The following EVC2 variants were observed in gnomAD, a reference collection of about 807,000 sequenced individuals.
EVC2 encodes the protein limbin.
A neutral mutation model predicts 149.3 loss-of-function variants in EVC2; 148 were observed. That is an observed-to-expected ratio of 0.99 (90% CI 0.87 to 1.14). EVC2 has a LOEUF of 1.14. Among genes scored for constraint, EVC2 ranks in the 50% most tolerant of loss-of-function variants. The pLI, the probability that EVC2 is intolerant of heterozygous loss-of-function variation, is 0.00. For synonymous variants in EVC2, 776 were observed against 649.9 expected, an observed-to-expected ratio of 1.19 and a Z score of -2.95; for missense variants, 1,854 against 1,627.3, an observed-to-expected ratio of 1.14 and a Z score of -2.40.
At chr4:5,671,098 A>T (rs1015997555) in intron 7 of EVC2, among the ~76,000 whole-genome samples, 4 of 152,248 alleles carry the variant, frequency 2.6e-5, no homozygotes, top group African/African-American at 9.6e-5. Flanking sequence ...TAATCCATTT[A>T]ATCTCCACAA....
At chr4:5,557,150 T>C (rs570506188) in intron 21 of EVC2, among the ~76,000 whole-genome samples, 1 of 152,048 alleles carries the variant, frequency 6.6e-6, no homozygotes, top group African/African-American at 2.4e-5. Context: ...ATATCTCACA[T>C]GAACATAGAT....
At chr4:5,680,560 C>T (rs1274100471) in intron 7 of EVC2, among the ~76,000 whole-genome samples, 3 of 152,158 alleles carry the variant, frequency 2.0e-5, no homozygotes, top group Admixed American at 6.5e-5. Flanking sequence ...TAGAGAATCA[C>T]CGAACCCGGG....
At chr4:5,703,747 GTATAC>G (rs1721969884) in intron 1 of EVC2, among the ~76,000 whole-genome samples, 1 of 152,090 alleles carries the variant, frequency 6.6e-6, no homozygotes, top group East Asian at 1.9e-4. Context: ...CAAAATCATA[GTATAC>G]TATATATATT....
chr4:5,621,842 T>C (rs1715710529), intron 14 of EVC2, among the ~76,000 whole-genome samples: 1 of 152,184 alleles, frequency 6.6e-6, no homozygotes, highest in Non-Finnish European at 1.5e-5. Context: ...AGACCCCGTC[T>C]CTACAAAAAA....
At chr4:5,692,134 C>A (rs1560230904) in intron 3 of EVC2, among the ~76,000 whole-genome samples, 1 of 152,212 alleles carries the variant, frequency 6.6e-6, no homozygotes, top group Non-Finnish European at 1.5e-5. Flanking sequence ...TATTCTGAGT[C>A]ACGGACTCTG....
chr4:5,598,881 A>T (rs1324513633), intron 16 of EVC2, among the ~76,000 whole-genome samples: 1 of 152,322 alleles, frequency 6.6e-6, no homozygotes, highest in Non-Finnish European at 1.5e-5. Flanking sequence ...AAGAAAAAAA[A>T]CAAACAACCC....
chr4:5,549,463 T>A (rs557281483), intron 21 of EVC2, among the ~76,000 whole-genome samples: 1 of 152,240 alleles, frequency 6.6e-6, no homozygotes, highest in Non-Finnish European at 1.5e-5. Context: ...TCTCCCATTC[T>A]GCCACACAGA....
chr4:5,626,618 G>A (rs967342116), intron 12 of EVC2, among the ~76,000 whole-genome samples: 1 of 152,144 alleles, frequency 6.6e-6, no homozygotes, highest in African/African-American at 2.4e-5. Flanking sequence ...ACAGGCGTGA[G>A]CTACTGCGCC....
chr4:5,678,406 T>G (rs1005808250), intron 7 of EVC2, among the ~76,000 whole-genome samples: 2 of 152,200 alleles, frequency 1.3e-5, no homozygotes, highest in African/African-American at 4.8e-5. Flanking sequence ...CTCTTAAAAC[T>G]TGCAAGTGAT....
At chr4:5,655,136 A>G (rs1235842976) in intron 9 of EVC2, among the ~76,000 whole-genome samples, 3 of 152,176 alleles carry the variant, frequency 2.0e-5, no homozygotes, top group Non-Finnish European at 4.4e-5. Flanking sequence ...CCCAGCAGGC[A>G]TTCCCTCTGC....
intron 9 of EVC2, among the ~76,000 whole-genome samples, chr4:5,659,828 C>G (rs987492331): frequency 6.6e-6 from 1 of 152,160 alleles, no homozygotes; most frequent in Non-Finnish European, 1.5e-5. Context: ...TAATACTTTC[C>G]TCTTTTAAAG....
chr4:5,665,125 C>T (rs542255301), intron 8 of EVC2, among the ~76,000 whole-genome samples: 2 of 152,120 alleles, frequency 1.3e-5, no homozygotes, highest in South Asian at 4.1e-4. Flanking sequence ...CAGTGGTTCT[C>T]CCACCTGGTT....
intron 16 of EVC2, among the ~76,000 whole-genome samples, chr4:5,589,760 A>G (rs1712619630): frequency 6.6e-6 from 1 of 152,140 alleles, no homozygotes; most frequent in African/African-American, 2.4e-5. Context: ...GGTAAGGAGT[A>G]ATTCTGATAC....
chr4:5,684,065 T>C (rs1287784045), intron 6 of EVC2, among the ~76,000 whole-genome samples: 1 of 152,192 alleles, frequency 6.6e-6, no homozygotes, highest in Non-Finnish European at 1.5e-5. Context: ...CTTTTCCTTA[T>C]CATTACTTTA....
In EVC2 at chr4:5,637,573, T is replaced by C. The variant is rs952704119; in HGVS notation, c.1470+2941A>G. On this transcript the variant is annotated intron_variant, in intron 10 of 21. Coordinates refer to ENST00000344408, the MANE Select transcript of EVC2 (RefSeq NM_147127.5). The surrounding 1 kb of genome is among the most constrained non-coding windows in gnomAD (Gnocchi z 4.4). The stretch of plus-strand genomic sequence containing the variant: ...ATTTAATAAAATCAGCAAATGTGTA[T>C]ACTGTGATGTAAAGTGAAAATAAGA... 1.3e-5 allele frequency among the ~76,000 whole-genome samples: 2 copies of C among 152,232 alleles called. No individual in the cohort carries two copies. Among genetic ancestry groups the C allele is most frequent in the Non-Finnish European group, 2.9e-5 (2 of 68,046 alleles).
intron 17 of EVC2, among the ~76,000 whole-genome samples, chr4:5,579,101 G>C (rs965250633): frequency 6.6e-6 from 1 of 152,098 alleles, no homozygotes; most frequent in Non-Finnish European, 1.5e-5. Context: ...TGTAGAGCTG[G>C]GGATGGGGCT....
intron 17 of EVC2, among the ~76,000 whole-genome samples, chr4:5,577,423 C>T (rs1722999119): frequency 6.6e-6 from 1 of 152,156 alleles, no homozygotes; most frequent in Non-Finnish European, 1.5e-5. Flanking sequence ...ACATTTAACC[C>T]AGTATTTACC....
At chr4:5,596,093 G>A (rs550804835) in intron 16 of EVC2, among the ~76,000 whole-genome samples, 1 of 152,262 alleles carries the variant, frequency 6.6e-6, no homozygotes, top group Admixed American at 6.5e-5. Context: ...CCTACAAAGA[G>A]ACTTAGACTC....
At chr4:5,678,418 T>C (rs1560217870) in intron 7 of EVC2, among the ~76,000 whole-genome samples, 1 of 152,232 alleles carries the variant, frequency 6.6e-6, no homozygotes. Context: ...GCAAGTGATT[T>C]TCTCCAAACT....
Sources: gnomAD v4.1 joint callset for allele counts (sites outside exome capture counted in the v4.1 genomes callset) on GRCh38, gnomAD v4.1.1 for gene constraint, Gnocchi (gnomAD v3.1) non-coding constraint, MANE v1.5 for transcripts, NCBI Gene and HGNC (gene_info 2026-07-23, HGNC 2026-07-21) for gene names.